ARMH2: variants seen among roughly 807,000 people sequenced by gnomAD.
The protein encoded by ARMH2 is armadillo-like helical domain-containing protein 2.
In ARMH2, 5 loss-of-function variants were observed where a neutral mutation model predicts 9.0. That is an observed-to-expected ratio of 0.56 (90% CI 0.29 to 1.17). ARMH2 has a LOEUF of 1.17. Ranked by LOEUF, ARMH2 falls within the 50% of genes most tolerant of loss-of-function variation. The probability of loss-of-function intolerance (pLI) is 0.08; values close to 1 mark genes in which losing one functional copy is unlikely to be tolerated. For synonymous variants in ARMH2, 74 were observed against 93.1 expected (o/e 0.79, Z 1.18); for missense variants, 236 against 268.3 (o/e 0.88, Z 0.84).
rs769289892 is a variant in ARMH2, at chr6:24,798,553, C to T, written c.265+40G>A. On this transcript the variant is annotated intron_variant, in intron 1 of 1. Coordinates refer to ENST00000565469, the MANE Select transcript of ARMH2 (RefSeq NM_001282492.2). The stretch of plus-strand genomic sequence containing the variant: ...AACTACAGTGTTATAAAATGAGTGT[C>T]GTGAAACACTCATTTTAGCACAGCC... The T allele has an allele frequency of 1.8e-5, 27 of 1,488,954 alleles. No individual in the cohort carries two copies. The Admixed American group carries it at 2.4e-4, about 13-fold the overall frequency. 92.2% of individuals were successfully genotyped at this position (1,488,954 alleles called of 1,614,324 possible).
Position 24,798,879 on chromosome 6 carries a change from C to T in ARMH2, c.-22G>A, listed in dbSNP as rs1780519000. ...CCATTGTGTAAAAAGGCCAGTGGTC[C>T]TTCAGGTACACCACTGGCAGTCACA... On this transcript the variant is annotated 5_prime_UTR_variant, in exon 1 of 2. Transcript: ENST00000565469. The T allele has an allele frequency of 6.5e-7, 1 of 1,528,070 alleles. No individual in the cohort carries two copies. The highest frequency in any genetic ancestry group is 1.4e-5 in the African/African-American group (1 of 72,504). 94.7% of individuals were successfully genotyped at this position (1,528,070 alleles called of 1,614,324 possible). A position where few individuals can be genotyped will look rare whatever the true frequency, so the allele number is the denominator to read the frequency against.
rs1177785894 is a variant in ARMH2, at chr6:24,798,661, A to G, written c.197T>C (p.Met66Thr). The change falls in exon 1 of 2, where the codon ATG (methionine) becomes ACG (threonine). Residue 66 changes from methionine to threonine, a missense_variant. Physicochemically the swap from Met to Thr is moderately conservative, Grantham distance 81 (BLOSUM62 -1). Coordinates refer to ENST00000565469, the MANE Select transcript of ARMH2 (RefSeq NM_001282492.2). Reference protein sequence around the residue: ...EKIVVLGQVLMNESLPIEKRA... With the variant: ...EKIVVLGQVLTNESLPIEKRA... ...CTTCTCAATGGGTAGAGATTCATTC[A>G]TCAACACTTGGCCAAGTACAACAAT... is the stretch of plus-strand genomic sequence containing the variant. 1.3e-6 allele frequency: 2 copies of G among 1,535,430 alleles called. No individual in the cohort carries two copies. Among genetic ancestry groups the G allele is most frequent in the Non-Finnish European group, 8.7e-7 (1 of 1,146,706 alleles).
In ARMH2 at chr6:24,798,704, A is replaced by C; in HGVS notation, c.154T>G (p.Tyr52Asp). 2 of 1,535,416 alleles carry C rather than the reference A, an allele frequency of 1.3e-6. No individual in the cohort carries two copies. Residue 52 changes from tyrosine to aspartate, a missense_variant, in exon 1 of 2, where the codon TAT becomes GAT. Physicochemically the swap from Tyr to Asp is radical, Grantham distance 160. Transcript: ENST00000565469. ...ACAACAATTTTTTCCTCATGAAAATAAGTCTCAGCTGAAGGGATTTTTTTT... is the reference window on the plus strand; with the variant it reads ...ACAACAATTTTTTCCTCATGAAAATCAGTCTCAGCTGAAGGGATTTTTTTT... ...KEKKIPSAET[Y>D]FHEEKIVVLG...
At chr6:24,798,418 AGAGT>A (rs1172786976) in intron 1 of ARMH2, among the ~76,000 whole-genome samples, 171 bp downstream of exon 1, 4 of 152,128 alleles carry the variant, frequency 2.6e-5, no homozygotes, top group Non-Finnish European at 5.9e-5. Flanking sequence ...TGCCTGGCCA[AGAGT>A]GAGTATTTCA....
In ARMH2 at chr6:24,798,816, C is replaced by G; in HGVS notation, c.42G>C (p.Lys14Asn). 1 of 1,535,116 alleles carries G rather than the reference C, an allele frequency of 6.5e-7. No homozygotes were observed. Among genetic ancestry groups the G allele is most frequent in the Non-Finnish European group, 8.7e-7 (1 of 1,146,596 alleles). ...SRFSCTQIWV[K>N]MYGYFAGLCR... Reference sequence around the variant, plus strand: ...ACAGCCCCGCAAAATACCCATACATCTTAACCCAAATTTGCGTACAAGAAA... The same window carrying G: ...ACAGCCCCGCAAAATACCCATACATGTTAACCCAAATTTGCGTACAAGAAA... The change falls in exon 1 of 2, where the codon AAG becomes AAC. Residue 14 changes from lysine (K) to asparagine (N), a missense_variant. Lys to Asn is a moderately conservative substitution (Grantham distance 94, BLOSUM62 0). Coordinates refer to ENST00000565469, the MANE Select transcript of ARMH2 (RefSeq NM_001282492.2).
At position 24,797,504 on chromosome 6, in the gene ARMH2, T is replaced by A; in HGVS notation, c.599A>T (p.Tyr200Phe). Residue 200 changes from tyrosine (Y) to phenylalanine (F), a missense_variant, in exon 2 of 2, where the codon TAT becomes TTT. Tyr to Phe is a conservative substitution (Grantham distance 22). Transcript: ENST00000565469. ...KELKDHSALKYHLQMLAAENW... is the reference protein window; with the variant it reads ...KELKDHSALKFHLQMLAAENW... ...CTCAGCAGCCAACATTTGCAAATGA[T>A]ATTTTAGAGCACTGTGGTCTTTAAG... is the stretch of plus-strand genomic sequence containing the variant. The A allele has an allele frequency of 6.5e-7, 1 of 1,535,498 alleles. No homozygotes were observed. Among genetic ancestry groups the A allele is most frequent in the Non-Finnish European group, 8.7e-7 (1 of 1,146,742 alleles).
chr6:24,797,705 G>C lies in ARMH2; in HGVS notation c.398C>G (p.Pro133Arg). Residue 133 changes from proline to arginine, a missense_variant, in exon 2 of 2, where the codon CCT becomes CGT. Physicochemically the swap from Pro to Arg is moderately radical, Grantham distance 103 (BLOSUM62 -2). Transcript: ENST00000565469. ...ACTTTTGGCTCTTTTCTGGCTGACA[G>C]GGTTTAAGTAACACCAACATGCCAC... The part of the protein sequence containing the change: ...QSVACWCYLN[P>R]VSQKRAKSLQ... 1 of 1,535,430 alleles carries C rather than the reference G, an allele frequency of 6.5e-7. No homozygotes were observed. The highest frequency in any genetic ancestry group is 1.2e-5 in the South Asian group (1 of 84,042).
rs1780502052 is a variant in ARMH2 at position 24,797,728 on chromosome 6, C to T, written c.375G>A (p.Val125=). 1 of 1,535,306 alleles carries T rather than the reference C, an allele frequency of 6.5e-7. No individual in the cohort carries two copies. Among genetic ancestry groups the T allele is most frequent in the African/African-American group, 1.4e-5 (1 of 73,012 alleles). ...PKIKILLLQS[V]ACWCYLNPVS... ...CAGGGTTTAAGTAACACCAACATGC[C>T]ACACTCTGGAGCAGCAGGATCTTTA... is the stretch of plus-strand genomic sequence containing the variant. The change falls in exon 2 of 2, where the codon GTG becomes GTA. Residue 125 remains valine, a synonymous_variant. Coordinates refer to ENST00000565469, the MANE Select transcript of ARMH2 (RefSeq NM_001282492.2).
intron 1 of ARMH2, among the ~76,000 whole-genome samples, chr6:24,798,301 A>G (rs752243882): frequency 3.7e-4 from 57 of 152,044 alleles, no homozygotes; most frequent in Non-Finnish European, 2.2e-4. Flanking sequence ...TATTTTTAGT[A>G]GAGACGGGGT....
rs1396798434 is a variant in ARMH2, at chr6:24,798,573, A to G, written c.265+20T>C. On this transcript the variant is annotated intron_variant, in intron 1 of 1. Transcript: ENST00000565469. ...AGTGTCGTGAAACACTCATTTTAGC[A>G]CAGCCATTTAGATCAGTACCTGTGA... 4 of 1,509,838 alleles carry G rather than the reference A, an allele frequency of 2.6e-6. No individual in the cohort carries two copies. In the South Asian group the frequency reaches 3.7e-5, roughly 14 times the overall value. The allele number at this position is 1,509,838 out of a possible 1,614,324, so 93.5% of individuals were successfully genotyped here. A position where few individuals can be genotyped will look rare whatever the true frequency, so the allele number is the denominator to read the frequency against.
rs1252459132 is a variant in ARMH2 at position 24,797,775 on chromosome 6, C to A, written c.328G>T (p.Asp110Tyr). 3 of 1,535,492 alleles carry A rather than the reference C, an allele frequency of 2.0e-6. No individual in the cohort carries two copies. The highest frequency in any genetic ancestry group is 2.6e-6 in the Non-Finnish European group (3 of 1,146,738). ...TTTATTTTTGGTGCCAACTCCTCAT[C>A]TTGCAACAAGTGAGCCACTTCTTCC... Reference protein sequence around the residue: ...YMEEVAHLLQDEELAPKIKIL... With the variant: ...YMEEVAHLLQYEELAPKIKIL... Residue 110 changes from aspartate (D) to tyrosine (Y), a missense_variant, in exon 2 of 2, where the codon GAT (aspartate) becomes TAT (tyrosine). Asp to Tyr is a radical substitution (Grantham distance 160, BLOSUM62 -3). Transcript: ENST00000565469.
In ARMH2 at chr6:24,798,633, T is replaced by C; in HGVS notation, c.225A>G (p.Arg75=). The C allele has an allele frequency of 1.3e-6, 2 of 1,535,294 alleles. No homozygotes were observed. Among genetic ancestry groups the C allele is most frequent in the South Asian group, 2.4e-5 (2 of 84,030 alleles). Residue 75 remains arginine, a synonymous_variant, in exon 1 of 2, where the codon AGA becomes AGG. Coordinates refer to ENST00000565469, the MANE Select transcript of ARMH2 (RefSeq NM_001282492.2). ...GTCCAATTTTCTGGGCAGCTTGAGC[T>C]CTCTTCTCAATGGGTAGAGATTCAT... ...LMNESLPIEK[R]AQAAQKIGLL...
rs773974934 is a variant in ARMH2, at chr6:24,798,629, G to T, written c.229C>A (p.Gln77Lys). 5 of 1,535,124 alleles carry T rather than the reference G, an allele frequency of 3.3e-6. No homozygotes were observed. The Admixed American group carries it at 5.9e-5, about 18-fold the overall frequency. ...NESLPIEKRAQAAQKIGLLAF... is the reference protein window; with the variant it reads ...NESLPIEKRAKAAQKIGLLAF... ...AGCAGTCCAATTTTCTGGGCAGCTT[G>T]AGCTCTCTTCTCAATGGGTAGAGAT... Residue 77 changes from glutamine to lysine, a missense_variant, in exon 1 of 2, where the codon CAA becomes AAA. Coordinates refer to ENST00000565469, the MANE Select transcript of ARMH2 (RefSeq NM_001282492.2).
In ARMH2 at chr6:24,797,689, T is replaced by C. The variant is rs1475629459; in HGVS notation, c.414A>G (p.Arg138=). The C allele has an allele frequency of 2.0e-6, 3 of 1,535,476 alleles. No homozygotes were observed. The highest frequency in any genetic ancestry group is 2.4e-5 in the South Asian group (2 of 84,050). Residue 138 remains arginine, a synonymous_variant, in exon 2 of 2, where the codon AGA becomes AGG. Transcript: ENST00000565469. ...TAGGAATAAATTGCAGACTTTTGGCTCTTTTCTGGCTGACAGGGTTTAAGT... is the reference window on the plus strand; with the variant it reads ...TAGGAATAAATTGCAGACTTTTGGCCCTTTTCTGGCTGACAGGGTTTAAGT... The part of the protein sequence containing the change: ...WCYLNPVSQK[R]AKSLQFIPIL...
In ARMH2 at chr6:24,798,867, A is replaced by G; in HGVS notation, c.-10T>C. 2 of 1,531,800 alleles carry G rather than the reference A, an allele frequency of 1.3e-6. No individual in the cohort carries two copies. The highest frequency in any genetic ancestry group is 1.7e-6 in the Non-Finnish European group (2 of 1,144,708). 94.9% of individuals were successfully genotyped at this position (1,531,800 alleles called of 1,614,324 possible). A position where few individuals can be genotyped will look rare whatever the true frequency, so the allele number is the denominator to read the frequency against. ...ATCGGCTGTTAGCCATTGTGTAAAA[A>G]GGCCAGTGGTCCTTCAGGTACACCA... On this transcript the variant is annotated 5_prime_UTR_variant, in exon 1 of 2. Transcript: ENST00000565469.
chr6:24,797,580 A>T lies in ARMH2; in HGVS notation c.523T>A (p.Cys175Ser). Residue 175 changes from cysteine (C) to serine (S), a missense_variant, in exon 2 of 2, where the codon TGT (cysteine) becomes AGT (serine). Transcript: ENST00000565469. ...CATGTCATGACAGAGAGAACGTAAC[A>T]AGTCCAAAATTTAAGGAGGAGGTAG... Reference protein sequence around the residue: ...NSYLLLKFWTCYVLSVMTCNN... With the variant: ...NSYLLLKFWTSYVLSVMTCNN... 1.3e-6 allele frequency: 2 copies of T among 1,535,494 alleles called. No homozygotes were observed. Among genetic ancestry groups the T allele is most frequent in the Non-Finnish European group, 1.7e-6 (2 of 1,146,738 alleles).
chr6:24,798,221 A>G (rs1780509661), intron 1 of ARMH2, among the ~76,000 whole-genome samples: 1 of 151,744 alleles, frequency 6.6e-6, no homozygotes, highest in Non-Finnish European at 1.5e-5. Context: ...GGTTCAAGCG[A>G]TTCTCCTACC....
At chr6:24,798,039 G>T (rs1185079715) in intron 1 of ARMH2, among the ~76,000 whole-genome samples, 1 of 152,128 alleles carries the variant, frequency 6.6e-6, no homozygotes, top group Non-Finnish European at 1.5e-5. Flanking sequence ...GCAGTGATAT[G>T]AAAAACCTGG....
rs764820150 is a variant in ARMH2 at position 24,797,336 on chromosome 6, C to T, written c.*74G>A. 175 of 1,295,548 alleles carry T rather than the reference C, an allele frequency of 1.4e-4. No homozygotes were observed. The highest frequency in any genetic ancestry group is 1.6e-4 in the Non-Finnish European group (158 of 966,926). The allele number at this position is 1,295,548 out of a possible 1,614,324, so 80.3% of individuals were successfully genotyped here. ...ACTCTTCAACTACAAAGGAAAACAT[C>T]GATTTTTATTGTTTATTTCAGTTTT... is the stretch of plus-strand genomic sequence containing the variant. On this transcript the variant is annotated 3_prime_UTR_variant, in exon 2 of 2. Coordinates refer to ENST00000565469, the MANE Select transcript of ARMH2 (RefSeq NM_001282492.2).
Sources: allele counts gnomAD v4.1 joint callset (sites outside exome capture counted in the v4.1 genomes callset), GRCh38; gene constraint gnomAD v4.1.1; transcripts MANE v1.5; gene names NCBI Gene and HGNC (gene_info 2026-07-23, HGNC 2026-07-21).